Variants in FAM81B observed in about 807,000 individuals in gnomAD.
FAM81B encodes the protein family with sequence similarity 81 member B, also known as protein FAM81B.
In FAM81B, 60 loss-of-function variants were observed where a neutral mutation model predicts 58.7. The observed-to-expected ratio is 1.02, with a 90% CI of 0.83 to 1.27. The LOEUF (loss-of-function observed/expected upper bound fraction) is 1.27. Ranked by LOEUF, FAM81B falls within the 50% of genes most tolerant of loss-of-function variation. The pLI, the probability that FAM81B is intolerant of heterozygous loss-of-function variation, is 0.00. For synonymous variants in FAM81B, 189 were observed against 179.6 expected (o/e 1.05, Z -0.42); for missense variants, 491 against 522.0 (o/e 0.94, Z 0.58).
At chr5:95,446,812 CTTTT>C in intron 8 of FAM81B, 115 bp downstream of exon 8, 1 of 1,115,106 alleles carries the variant, frequency 9.0e-7, no homozygotes, top group Non-Finnish European at 1.2e-6. Flanking sequence ...GCTTCAGTAA[CTTTT>C]TTTTTTTTAA....
At chr5:95,413,317 T>C (rs539423925) in intron 3 of FAM81B, among the ~76,000 whole-genome samples, 11 of 152,340 alleles carry the variant, frequency 7.2e-5, no homozygotes, top group Admixed American at 6.5e-4. Context: ...GTTCTAGGTA[T>C]CCCTTAATCC....
At chr5:95,411,462 C>T (rs3906364) in intron 3 of FAM81B, among the ~76,000 whole-genome samples, 41,279 of 152,024 alleles carry the variant, frequency 0.27, 5,836 homozygotes, top group Non-Finnish European at 0.3. Flanking sequence ...TGTATTTTTA[C>T]AAGCATAAAC....
At chr5:95,401,647 T>C (rs1024894381) in intron 3 of FAM81B, among the ~76,000 whole-genome samples, 2 of 152,146 alleles carry the variant, frequency 1.3e-5, no homozygotes, top group Admixed American at 1.3e-4. Context: ...TTAGATCTCA[T>C]AAAAATGTAG....
chr5:95,402,161 C>T (rs1343077655), intron 3 of FAM81B, among the ~76,000 whole-genome samples: 2 of 152,140 alleles, frequency 1.3e-5, no homozygotes, highest in African/African-American at 4.8e-5. Flanking sequence ...AGTTTTTATC[C>T]CTTAGGAATA....
chr5:95,437,159 A>G (rs1178329040), intron 7 of FAM81B, among the ~76,000 whole-genome samples: 1 of 152,084 alleles, frequency 6.6e-6, no homozygotes, highest in Admixed American at 6.6e-5. Flanking sequence ...AATCATTTTT[A>G]CCCTTCCTGT....
intron 2 of FAM81B, among the ~76,000 whole-genome samples, chr5:95,395,542 A>G (rs1176286992): frequency 2.6e-5 from 4 of 152,122 alleles, no homozygotes; most frequent in Non-Finnish European, 5.9e-5. Context: ...GCTGCAAATT[A>G]TCAACTTTCA....
chr5:95,404,253 G>A (rs1762188785), intron 3 of FAM81B, among the ~76,000 whole-genome samples: 1 of 152,092 alleles, frequency 6.6e-6, no homozygotes, highest in African/African-American at 2.4e-5. Context: ...CCAATCCAGG[G>A]TAGCACTGAC....
intron 6 of FAM81B, among the ~76,000 whole-genome samples, chr5:95,431,511 T>C (rs1272013367): frequency 6.6e-6 from 1 of 152,064 alleles, no homozygotes; most frequent in Non-Finnish European, 1.5e-5. Context: ...AATAAACTAT[T>C]TTAATCTTTA....
At chr5:95,434,781 C>A (rs1306113312) in intron 6 of FAM81B, among the ~76,000 whole-genome samples, 3 of 152,018 alleles carry the variant, frequency 2.0e-5, no homozygotes, top group African/African-American at 7.3e-5. Context: ...ACAAATTTAC[C>A]TCTGATTATA....
At chr5:95,415,037 T>G (rs1762501148) in intron 4 of FAM81B, among the ~76,000 whole-genome samples, 1 of 152,164 alleles carries the variant, frequency 6.6e-6, no homozygotes, top group Non-Finnish European at 1.5e-5. Context: ...ATTCCTTAAA[T>G]TGATGAATGA....
intron 3 of FAM81B, among the ~76,000 whole-genome samples, chr5:95,411,272 C>T (rs1762398066): frequency 6.6e-6 from 1 of 152,082 alleles, no homozygotes; most frequent in African/African-American, 2.4e-5. Flanking sequence ...TCCTGAATGT[C>T]ATAATACCAA....
chr5:95,405,109 T>C (rs1225530027), intron 3 of FAM81B, among the ~76,000 whole-genome samples: 3 of 152,166 alleles, frequency 2.0e-5, no homozygotes, highest in Admixed American at 2.0e-4. Context: ...GTGGCCAGGA[T>C]CAAGAAAGGA....
chr5:95,437,035 A>C, intron 7 of FAM81B, 129 bp downstream of exon 7: 1 of 614,992 alleles, frequency 1.6e-6, no homozygotes, highest in Non-Finnish European at 2.9e-6. Context: ...GCAGTGAACT[A>C]ACACAGAGAA....
At chr5:95,434,743 T>A (rs569306455) in intron 6 of FAM81B, among the ~76,000 whole-genome samples, 1 of 152,254 alleles carries the variant, frequency 6.6e-6, no homozygotes, top group Non-Finnish European at 1.5e-5. Flanking sequence ...TTATTCTTTC[T>A]TGTATAATTA....
intron 6 of FAM81B, among the ~76,000 whole-genome samples, chr5:95,431,409 C>T (rs1432570025): frequency 6.6e-6 from 1 of 151,922 alleles, no homozygotes; most frequent in African/African-American, 2.4e-5. Context: ...TAGTTCCTTC[C>T]ACTACGTTCT....
Position 95,450,227 on chromosome 5 carries a change from T to A in FAM81B, c.1304T>A (p.Val435Glu), listed in dbSNP as rs375986616. The change falls in exon 10 of 10, where the codon GTA becomes GAA. Residue 435 changes from valine (V) to glutamate (E), a missense_variant. By Grantham distance (121) the Val-to-Glu change is moderately radical. Coordinates refer to ENST00000283357, the MANE Select transcript of FAM81B (RefSeq NM_152548.3). Reference sequence around the variant, plus strand: ...AAGATGGATTTAGAGAAATATAAAGTACAGAAAGACCTAAAGAAATTACAG... The same window carrying A: ...AAGATGGATTTAGAGAAATATAAAGAACAGAAAGACCTAAAGAAATTACAG... ...KTKMDLEKYKVQKDLKKLQRK... is the reference protein window; with the variant it reads ...KTKMDLEKYKEQKDLKKLQRK... 5.0e-6 allele frequency: 8 copies of A among 1,613,290 alleles called. No individual in the cohort carries two copies. The highest frequency in any genetic ancestry group is 6.8e-6 in the Non-Finnish European group (8 of 1,179,608).
At chr5:95,445,638 T>C (rs1745528914) in intron 7 of FAM81B, among the ~76,000 whole-genome samples, 1 of 152,184 alleles carries the variant, frequency 6.6e-6, no homozygotes, top group South Asian at 2.1e-4. Flanking sequence ...TGTACCTCTA[T>C]TACTTCTGCT....
At chr5:95,418,923 TCCC>T (rs1422416100) in intron 4 of FAM81B, among the ~76,000 whole-genome samples, 2 of 152,126 alleles carry the variant, frequency 1.3e-5, no homozygotes, top group East Asian at 1.9e-4. Flanking sequence ...GTGAAATTAC[TCCC>T]CCATTGATTT....
chr5:95,410,277 C>T (rs1023398783), intron 3 of FAM81B, among the ~76,000 whole-genome samples: 3 of 152,122 alleles, frequency 2.0e-5, no homozygotes, highest in Admixed American at 6.5e-5. Flanking sequence ...GCCAGGAAGC[C>T]GGAAGGAGCT....
Sources: gnomAD v4.1 joint callset for allele counts (sites outside exome capture counted in the v4.1 genomes callset) on GRCh38, gnomAD v4.1.1 for gene constraint, MANE v1.5 for transcripts, NCBI Gene and HGNC (gene_info 2026-07-23, HGNC 2026-07-21) for gene names.